USP25: variants seen among roughly 807,000 people sequenced by gnomAD.
USP25 encodes ubiquitin specific peptidase 25.
Under a neutral mutation model 158.5 loss-of-function variants are expected in USP25, and 85 were observed. The observed-to-expected ratio is 0.54, with a 90% CI of 0.45 to 0.64. The LOEUF is 0.64. USP25 is among the 30% of genes least tolerant of loss of function. The pLI, the probability that USP25 is intolerant of heterozygous loss-of-function variation, is 0.00. For synonymous variants in USP25, 464 were observed against 460.4 expected (o/e 1.01, Z -0.10); for missense variants, 1,242 against 1,327.3 (o/e 0.94, Z 1.00).
In USP25 at chr21:15,857,631, T is replaced by C. The variant is rs141088638; in HGVS notation, c.2548-6637T>C. ...AGTGAACATTGATCTTCTAAGACAATTGATTCATCTGTAATTTGCAAATTA... is the reference window on the plus strand; with the variant it reads ...AGTGAACATTGATCTTCTAAGACAACTGATTCATCTGTAATTTGCAAATTA... On this transcript the variant is annotated intron_variant, in intron 20 of 25. Transcript: ENST00000400183. Among the ~76,000 whole-genome samples, 5 of 152,208 alleles carry C rather than the reference T, an allele frequency of 3.3e-5. No homozygotes were observed. The East Asian group carries it at 9.7e-4, about 29-fold the overall frequency.
At chr21:15,841,934 G>T (rs2038355299) in intron 17 of USP25, among the ~76,000 whole-genome samples, 1 of 152,104 alleles carries the variant, frequency 6.6e-6, no homozygotes, top group East Asian at 1.9e-4. Flanking sequence ...CTCAGCTACT[G>T]GGGCAAGTAC....
chr21:15,770,512 A>G (rs934546938), intron 3 of USP25, among the ~76,000 whole-genome samples: 2 of 152,144 alleles, frequency 1.3e-5, no homozygotes, highest in Admixed American at 1.3e-4. Flanking sequence ...ATTGAAAAAC[A>G]TAGTAGAATT....
intron 3 of USP25, among the ~76,000 whole-genome samples, chr21:15,773,951 T>A (rs1401894265): frequency 6.6e-6 from 1 of 152,220 alleles, no homozygotes; most frequent in Non-Finnish European, 1.5e-5. Context: ...TCTGAAGGTT[T>A]GCATTCTATT....
intron 18 of USP25, 91 bp downstream of exon 18, chr21:15,842,631 G>A: frequency 6.7e-7 from 1 of 1,489,178 alleles, no homozygotes; most frequent in Non-Finnish European, 9.0e-7. Context: ...GGAGTCAGGA[G>A]AGACGGGGCC....
chr21:15,749,071 G>A (rs921012935), intron 1 of USP25, among the ~76,000 whole-genome samples: 1 of 150,742 alleles, frequency 6.6e-6, no homozygotes, highest in African/African-American at 2.4e-5. Context: ...ATATTTCCAT[G>A]TTGAACTGAA....
At chr21:15,820,391 T>C (rs1297567361) in intron 10 of USP25, among the ~76,000 whole-genome samples, 1 of 152,004 alleles carries the variant, frequency 6.6e-6, no homozygotes, top group Admixed American at 6.6e-5. Context: ...ATCTTTTTAT[T>C]GGTTTTATAC....
rs187586497 is a variant in USP25 at position 15,756,226 on chromosome 21, G to A, written c.46-6665G>A. Among the ~76,000 whole-genome samples, 324 of 152,164 alleles carry A rather than the reference G, an allele frequency of 2.1e-3. 1 individual carries two copies. Among genetic ancestry groups the A allele is most frequent in the Middle Eastern group, 6.8e-3 (2 of 294 alleles). On this transcript the variant is annotated intron_variant, in intron 1 of 25. Transcript: ENST00000400183. ...CCAGGGAATTATCCAAGACAATTTC[G>A]TTCCTTCTGGATGAACGTCCCTCAG... is the stretch of plus-strand genomic sequence containing the variant.
chr21:15,856,911 A>G (rs1263036734), intron 20 of USP25, among the ~76,000 whole-genome samples: 2 of 152,212 alleles, frequency 1.3e-5, no homozygotes, highest in Admixed American at 6.5e-5. Flanking sequence ...ATATTCTCCT[A>G]GAATAGGGTA....
intron 6 of USP25, among the ~76,000 whole-genome samples, chr21:15,803,659 G>C (rs1311036002): frequency 1.3e-5 from 2 of 151,766 alleles, no homozygotes; most frequent in Non-Finnish European, 1.5e-5. Flanking sequence ...TTCCAATTTT[G>C]TTACTGGGAA....
At chr21:15,794,262 A>C (rs1165383510) in intron 5 of USP25, among the ~76,000 whole-genome samples, 1 of 151,638 alleles carries the variant, frequency 6.6e-6, no homozygotes, top group African/African-American at 2.4e-5. Context: ...ACTGAGACCA[A>C]TATTTTGGTA....
At chr21:15,846,187 G>C (rs1282486230) in intron 18 of USP25, among the ~76,000 whole-genome samples, 2 of 94,048 alleles carry the variant, frequency 2.1e-5, no homozygotes, top group African/African-American at 4.6e-5. Flanking sequence ...TTTTGAGACA[G>C]AGTCTTACTC....
At chr21:15,797,673 A>T (rs1408934923) in intron 5 of USP25, among the ~76,000 whole-genome samples, 3 of 151,286 alleles carry the variant, frequency 2.0e-5, no homozygotes, top group Non-Finnish European at 3.0e-5. Context: ...AATTCTTCTA[A>T]CCTGCCAAGA....
chr21:15,793,556 A>G (rs991194413), intron 5 of USP25, among the ~76,000 whole-genome samples: 2 of 151,468 alleles, frequency 1.3e-5, no homozygotes, highest in African/African-American at 4.8e-5. Context: ...TTAAAATTTT[A>G]TCTAAGTTTA....
intron 20 of USP25, among the ~76,000 whole-genome samples, chr21:15,853,515 T>G (rs2038990537): frequency 6.6e-6 from 1 of 152,222 alleles, no homozygotes; most frequent in Admixed American, 6.5e-5. Flanking sequence ...TTTAAAATAG[T>G]ATGTTCGTTT....
intron 1 of USP25, among the ~76,000 whole-genome samples, chr21:15,736,041 A>T (rs2031479566): frequency 6.8e-6 from 1 of 146,752 alleles, no homozygotes; most frequent in Non-Finnish European, 1.5e-5. Context: ...TAGACATGCC[A>T]TTTTTTTTAT....
At chr21:15,768,992 C>A (rs2034195901) in intron 3 of USP25, among the ~76,000 whole-genome samples, 3 of 152,004 alleles carry the variant, frequency 2.0e-5, no homozygotes, top group African/African-American at 7.2e-5. Flanking sequence ...TTGATATTAG[C>A]TGGAATATCA....
intron 5 of USP25, among the ~76,000 whole-genome samples, chr21:15,792,554 A>G (rs2035646660): frequency 6.6e-6 from 1 of 151,682 alleles, no homozygotes; most frequent in African/African-American, 2.4e-5. Flanking sequence ...TATTCAAAAT[A>G]TATCTTCATT....
chr21:15,857,990 A>T (rs1601150383), intron 20 of USP25, among the ~76,000 whole-genome samples: 1 of 115,716 alleles, frequency 8.6e-6, no homozygotes, highest in Non-Finnish European at 1.9e-5. Context: ...ATACTTAATG[A>T]TATACTAAAT....
At chr21:15,849,629 G>A (rs992301293) in intron 19 of USP25, 148 bp from the exon 20 acceptor site, 3 of 577,510 alleles carry the variant, frequency 5.2e-6, no homozygotes, top group Admixed American at 7.1e-5. Context: ...ATCTTAAAAG[G>A]TGCTTACATG....
Sources: allele counts gnomAD v4.1 joint callset (sites outside exome capture counted in the v4.1 genomes callset), GRCh38; gene constraint gnomAD v4.1.1; transcripts MANE v1.5; gene names NCBI Gene and HGNC (gene_info 2026-07-23, HGNC 2026-07-21).